The following NEK11 variants were observed in gnomAD, a reference collection of about 807,000 sequenced individuals.
The protein encoded by NEK11 is NIMA related kinase 11.
NEK11 carries 72 observed loss-of-function variants against 80.7 expected under a neutral mutation model. The observed-to-expected ratio is 0.89, with a 90% CI of 0.74 to 1.08. The LOEUF is 1.08. Among genes scored for constraint, NEK11 ranks in the 50% least tolerant of loss-of-function variants. The probability of loss-of-function intolerance (pLI) is 0.00; values close to 1 mark genes in which losing one functional copy is unlikely to be tolerated. For missense variants in NEK11, 764 were observed against 763.6 expected (o/e 1.00, Z -0.01); for synonymous variants, 251 against 260.7 (o/e 0.96, Z 0.36).
intron 14 of NEK11, among the ~76,000 whole-genome samples, chr3:131,222,434 A>G (rs1049195185): frequency 6.6e-6 from 1 of 152,186 alleles, no homozygotes; most frequent in Admixed American, 6.5e-5. Context: ...AAATATAAAG[A>G]TTATAACTTT....
chr3:131,168,692 A>G, intron 12 of NEK11, 138 bp from the exon 13 acceptor site: 2 of 591,626 alleles, frequency 3.4e-6, no homozygotes, highest in South Asian at 2.3e-5. Flanking sequence ...GCTAATTCCT[A>G]TGCTGCTGGT....
intron 3 of NEK11, among the ~76,000 whole-genome samples, chr3:131,049,473 T>G (rs1022181035): frequency 8.5e-5 from 13 of 152,218 alleles, no homozygotes; most frequent in African/African-American, 3.1e-4. Context: ...TCATTTATTT[T>G]GGGACTCTTC....
intron 17 of NEK11, chr3:131,330,926 A>AGGCGG (rs1554017964): frequency 8.0e-6 from 1 of 125,782 alleles, no homozygotes; most frequent in African/African-American, 3.0e-5. Flanking sequence ...GAGAGAAGGA[A>AGGCGG]GGGGGGGGGG....
chr3:131,205,070 T>C (rs1193919042), intron 14 of NEK11, among the ~76,000 whole-genome samples: 1 of 152,080 alleles, frequency 6.6e-6, no homozygotes, highest in Admixed American at 6.6e-5. Flanking sequence ...GCGATAGGGA[T>C]GAAGGTAAGA....
intron 5 of NEK11, among the ~76,000 whole-genome samples, chr3:131,131,330 C>A (rs1222949482): frequency 6.6e-6 from 1 of 152,122 alleles, no homozygotes; most frequent in Admixed American, 6.5e-5. Flanking sequence ...TGGTAGAATT[C>A]GCCAGTGAAC....
intron 5 of NEK11, among the ~76,000 whole-genome samples, chr3:131,120,076 A>G (rs911898470): frequency 1.3e-5 from 2 of 152,150 alleles, no homozygotes; most frequent in African/African-American, 2.4e-5. Context: ...CCTAGCATCG[A>G]TGGTCTTTAC....
intron 17 of NEK11, among the ~76,000 whole-genome samples, chr3:131,295,832 C>T (rs1393960250): frequency 6.6e-6 from 1 of 151,986 alleles, no homozygotes; most frequent in Admixed American, 6.6e-5. Flanking sequence ...AGTTTACTTT[C>T]CTTTTTAAAT....
At chr3:131,214,318 C>A (rs534977740) in intron 14 of NEK11, among the ~76,000 whole-genome samples, 2 of 152,186 alleles carry the variant, frequency 1.3e-5, no homozygotes, top group Non-Finnish European at 2.9e-5. Context: ...ACACGTAAGA[C>A]ACCTAAGGCC....
intron 10 of NEK11, among the ~76,000 whole-genome samples, chr3:131,156,317 C>T (rs2090631051): frequency 6.6e-6 from 1 of 152,198 alleles, no homozygotes; most frequent in Non-Finnish European, 1.5e-5. Context: ...GGTATTAGAA[C>T]TGTCCTCAGA....
chr3:131,314,326 C>G (rs893627058), intron 17 of NEK11, among the ~76,000 whole-genome samples: 5 of 152,164 alleles, frequency 3.3e-5, no homozygotes, highest in African/African-American at 1.2e-4. Context: ...ACACAAGGAC[C>G]AGGTTGTTCC....
chr3:131,246,570 A>G (rs902578542), intron 16 of NEK11, among the ~76,000 whole-genome samples: 1 of 152,200 alleles, frequency 6.6e-6, no homozygotes, highest in Admixed American at 6.6e-5. Context: ...TTGTGCTGCT[A>G]TAAACATGCA....
intron 4 of NEK11, among the ~76,000 whole-genome samples, chr3:131,083,836 G>T (rs1179181282): frequency 2.2e-4 from 34 of 152,040 alleles, no homozygotes; most frequent in Admixed American, 2.2e-3. Context: ...TCTTTGATGG[G>T]GAATAGTTCC....
At chr3:131,081,120 A>G (rs1464858791) in intron 4 of NEK11, among the ~76,000 whole-genome samples, 1 of 152,160 alleles carries the variant, frequency 6.6e-6, no homozygotes, top group African/African-American at 2.4e-5. Context: ...TAAGAAAAAC[A>G]AAAAACAAAA....
chr3:131,245,768 T>G (rs917134715), intron 16 of NEK11, among the ~76,000 whole-genome samples: 3 of 152,132 alleles, frequency 2.0e-5, no homozygotes, highest in African/African-American at 7.2e-5. Flanking sequence ...TTCATGCATG[T>G]CTTTTGCCCA....
intron 17 of NEK11, among the ~76,000 whole-genome samples, chr3:131,343,262 A>T (rs973510766): frequency 2.6e-5 from 4 of 152,128 alleles, no homozygotes; most frequent in African/African-American, 7.2e-5. Context: ...AAGAGAGAAG[A>T]TGACTGCAGG....
Position 131,036,311 on chromosome 3 carries a change from G to A in NEK11, c.170+6433G>A, listed in dbSNP as rs79334732. On this transcript the variant is annotated intron_variant, in intron 3 of 17. Transcript: ENST00000383366. ...ACTGGTCATCTGGAGCTTGAGTCTG[G>A]TACAGTGATTCTTAACCTTGGCCAA... Among the ~76,000 whole-genome samples, 7 of 152,330 alleles carry A rather than the reference G, an allele frequency of 4.6e-5. No homozygotes were observed. The East Asian group carries it at 1.3e-3, about 29-fold the overall frequency.
intron 5 of NEK11, among the ~76,000 whole-genome samples, chr3:131,119,916 T>C (rs1041237516): frequency 6.6e-6 from 1 of 152,188 alleles, no homozygotes; most frequent in African/African-American, 2.4e-5. Context: ...CACCGATGGG[T>C]CTTGACTCTT....
At chr3:131,257,319 T>C (rs1398095420) in intron 16 of NEK11, among the ~76,000 whole-genome samples, 1 of 152,030 alleles carries the variant, frequency 6.6e-6, no homozygotes, top group Non-Finnish European at 1.5e-5. Flanking sequence ...TGGCAGAGGC[T>C]GGTCATATTT....
At chr3:131,102,343 C>T (rs1381519650) in intron 4 of NEK11, among the ~76,000 whole-genome samples, 1 of 152,176 alleles carries the variant, frequency 6.6e-6, no homozygotes, top group African/African-American at 2.4e-5. Flanking sequence ...TTAGCACTCC[C>T]TTAAGGACCA....
Sources: gnomAD v4.1 joint callset for allele counts (sites outside exome capture counted in the v4.1 genomes callset) on GRCh38, gnomAD v4.1.1 for gene constraint, MANE v1.5 for transcripts, NCBI Gene and HGNC (gene_info 2026-07-23, HGNC 2026-07-21) for gene names.